SEMA6D: variants seen among roughly 807,000 people sequenced by gnomAD.
SEMA6D encodes semaphorin-6D.
SEMA6D carries 35 observed loss-of-function variants against 106.6 expected under a neutral mutation model. The observed-to-expected ratio is 0.33, with a 90% CI of 0.25 to 0.44. The LOEUF (loss-of-function observed/expected upper bound fraction) is 0.44, where lower values mean the gene tolerates loss of function less well. SEMA6D is among the 20% of genes least tolerant of loss of function. SEMA6D has a pLI of 1.00. For synonymous variants in SEMA6D, 499 were observed against 487.7 expected (o/e 1.02, Z -0.31); for missense variants, 1,185 against 1,345.9 (o/e 0.88, Z 1.87).
At chr15:47,550,950 A>G (rs1690740347) in intron 3 of SEMA6D, among the ~76,000 whole-genome samples, 2 of 152,346 alleles carry the variant, frequency 1.3e-5, no homozygotes, top group East Asian at 3.9e-4. Flanking sequence ...CACATTTGCC[A>G]TAAAATAGGC....
intron 1 of SEMA6D, among the ~76,000 whole-genome samples, chr15:47,723,918 C>T (rs913944724): frequency 1.1e-4 from 16 of 152,156 alleles, no homozygotes; most frequent in Admixed American, 8.5e-4. Context: ...TTAAAAATAA[C>T]GTCAGGAGTT....
rs78191317 is a variant in SEMA6D at position 47,677,428 on chromosome 15, T to C, written c.-55+76532T>C. Among the ~76,000 whole-genome samples, 1,211 of 152,250 alleles carry C rather than the reference T, an allele frequency of 8.0e-3. 15 individuals are homozygous for C. The highest frequency in any genetic ancestry group is 0.027 in the African/African-American group (1,137 of 41,540). Reference sequence around the variant, plus strand: ...TCCCTCATGACCTAGCCTTTCAATTTTCCAGTGTCACTTTTGCCACATTCT... The same window carrying C: ...TCCCTCATGACCTAGCCTTTCAATTCTCCAGTGTCACTTTTGCCACATTCT... On this transcript the variant is annotated intron_variant, in intron 4 of 19. Coordinates refer to the SEMA6D transcript ENST00000558014.
At chr15:47,694,101 G>C (rs1467527177) in intron 4 of SEMA6D, among the ~76,000 whole-genome samples, 1 of 152,104 alleles carries the variant, frequency 6.6e-6, no homozygotes, top group Non-Finnish European at 1.5e-5. Context: ...AGAGTCAACT[G>C]GGAACTTGTT....
chr15:47,599,448 G>C lies in SEMA6D; in HGVS notation c.-86-1417G>C, dbSNP rs1263512686. ...TCTAATGGGGAAAGGTCTGCCTTAC[G>C]CTTTTTTTTTTTCTCAAAAAGTAGA... On this transcript the variant is annotated intron_variant, in intron 3 of 19. Coordinates refer to the SEMA6D transcript ENST00000558014. Among the ~76,000 whole-genome samples, 4 of 48,936 alleles carry C rather than the reference G, an allele frequency of 8.2e-5. No homozygotes were observed. In the East Asian group the frequency reaches 2.1e-3, roughly 25 times the overall value. The allele number at this position is 48,936 out of a possible 152,430, so 32.1% of individuals were successfully genotyped here. A position where few individuals can be genotyped will look rare whatever the true frequency, so the allele number is the denominator to read the frequency against.
intron 1 of SEMA6D, among the ~76,000 whole-genome samples, chr15:47,221,842 A>G (rs1164418595): frequency 3.3e-5 from 5 of 152,228 alleles, no homozygotes; most frequent in African/African-American, 9.6e-5. Flanking sequence ...ATTTATTCCT[A>G]TACTAGAAAT....
At chr15:47,649,320 G>A (rs73392834) in intron 4 of SEMA6D, among the ~76,000 whole-genome samples, 2 of 152,088 alleles carry the variant, frequency 1.3e-5, no homozygotes, top group Non-Finnish European at 2.9e-5. Flanking sequence ...AAATGTCACC[G>A]AGTCATTCAA....
chr15:47,214,306 G>A (rs78955653), intron 1 of SEMA6D, among the ~76,000 whole-genome samples: 1 of 152,148 alleles, frequency 6.6e-6, no homozygotes, highest in Admixed American at 6.5e-5. Flanking sequence ...GAAGGGAAAG[G>A]TGATGCAGTG....
chr15:47,425,465 C>A (rs2041300299), intron 2 of SEMA6D, among the ~76,000 whole-genome samples: 1 of 152,034 alleles, frequency 6.6e-6, no homozygotes, highest in Non-Finnish European at 1.5e-5. Context: ...TTCTGACCCC[C>A]AACAGAATCC....
intron 3 of SEMA6D, among the ~76,000 whole-genome samples, chr15:47,543,852 C>A (rs113894732): frequency 0.016 from 2,470 of 152,020 alleles, 27 homozygotes; most frequent in Non-Finnish European, 0.027. Flanking sequence ...AGAAAAAAAA[C>A]CCTTTATTCT....
intron 1 of SEMA6D, among the ~76,000 whole-genome samples, chr15:47,756,316 G>A (rs889783056): frequency 2.6e-5 from 4 of 152,016 alleles, no homozygotes; most frequent in African/African-American, 9.7e-5. Flanking sequence ...AGTTGTACAA[G>A]ATGAAGGAAT....
At chr15:47,343,248 T>TTTATTATTATTATTATTATTGTTA (rs1555425179) in intron 1 of SEMA6D, among the ~76,000 whole-genome samples, 1 of 146,148 alleles carries the variant, frequency 6.8e-6, no homozygotes, top group Non-Finnish European at 1.5e-5. Flanking sequence ...TAGTTGGATT[T>TTTATTATTATTATTATTATTGTTA]TTATTATTAT....
intron 3 of SEMA6D, among the ~76,000 whole-genome samples, chr15:47,548,706 C>T (rs547714985): frequency 2.0e-5 from 3 of 152,256 alleles, no homozygotes; most frequent in Non-Finnish European, 4.4e-5. Context: ...GAAAAATACA[C>T]ACAGATGTGC....
intron 1 of SEMA6D, among the ~76,000 whole-genome samples, chr15:47,332,622 A>G (rs2037385401): frequency 2.0e-5 from 3 of 152,190 alleles, no homozygotes; most frequent in Admixed American, 1.3e-4. Flanking sequence ...CTTTAAATCA[A>G]AAACAACACT....
chr15:47,403,969 G>C (rs1239443021), intron 1 of SEMA6D, among the ~76,000 whole-genome samples: 1 of 152,174 alleles, frequency 6.6e-6, no homozygotes, highest in Non-Finnish European at 1.5e-5. Context: ...GAAGTTTATG[G>C]TCCCAGCTAG....
chr15:47,504,454 G>T (rs895637630), intron 3 of SEMA6D, among the ~76,000 whole-genome samples: 3 of 152,026 alleles, frequency 2.0e-5, no homozygotes, highest in Admixed American at 2.0e-4. Flanking sequence ...AGCAAGGGGC[G>T]TAGGAAGCCT....
At chr15:47,348,766 A>AGAGAG (rs1555425937) in intron 1 of SEMA6D, among the ~76,000 whole-genome samples, 1 of 132,276 alleles carries the variant, frequency 7.6e-6, no homozygotes, top group Admixed American at 7.9e-5. Flanking sequence ...AGAGAGAGAG[A>AGAGAG]TTTTTTCCTG....
At chr15:47,494,768 AT>A (rs2043591397) in intron 3 of SEMA6D, among the ~76,000 whole-genome samples, 1 of 95,990 alleles carries the variant, frequency 1.0e-5, no homozygotes, top group African/African-American at 4.4e-5. Flanking sequence ...ATATATATAT[AT>A]ATATATATAT....
chr15:47,467,456 C>CAT (rs565334526), intron 2 of SEMA6D, among the ~76,000 whole-genome samples: 44 of 152,200 alleles, frequency 2.9e-4, no homozygotes, highest in African/African-American at 8.4e-4. Flanking sequence ...GACATAAGGC[C>CAT]ATATACCCTG....
chr15:47,356,617 G>C (rs2038583776), intron 1 of SEMA6D, among the ~76,000 whole-genome samples: 1 of 152,040 alleles, frequency 6.6e-6, no homozygotes, highest in Non-Finnish European at 1.5e-5. Flanking sequence ...GGATATGAGG[G>C]CTGGACCATG....
Sources: gnomAD v4.1 joint callset for allele counts (sites outside exome capture counted in the v4.1 genomes callset) on GRCh38, gnomAD v4.1.1 for gene constraint, MANE v1.5 for transcripts, NCBI Gene and HGNC (gene_info 2026-07-23, HGNC 2026-07-21) for gene names.